Variants in COLGALT2 observed in about 807,000 individuals in gnomAD.
COLGALT2 encodes the protein collagen beta(1-O)galactosyltransferase 2.
Under a neutral mutation model 73.4 loss-of-function variants are expected in COLGALT2, and 49 were observed. The ratio of observed to expected loss-of-function variants is 0.67; its 90% CI spans 0.53 to 0.85. The LOEUF (loss-of-function observed/expected upper bound fraction) is 0.85. Ranked by LOEUF, COLGALT2 falls within the 40% of genes least tolerant of loss-of-function variation. COLGALT2 has a pLI of 0.00. For missense variants in COLGALT2, 722 were observed against 790.2 expected (o/e 0.91, Z 1.03); for synonymous variants, 295 against 307.6 (o/e 0.96, Z 0.43).
intron 4 of COLGALT2, among the ~76,000 whole-genome samples, chr1:183,972,261 C>G (rs910641745): frequency 6.6e-6 from 1 of 152,154 alleles, no homozygotes; most frequent in Non-Finnish European, 1.5e-5. Context: ...GTGCACGACA[C>G]CACAACTGGT....
chr1:183,966,054 G>A lies in COLGALT2; in HGVS notation c.833-2034C>T, dbSNP rs972438169. 4.6e-5 allele frequency among the ~76,000 whole-genome samples: 7 copies of A among 152,194 alleles called. No homozygotes were observed. In the East Asian group the frequency reaches 1.3e-3, roughly 29 times the overall value. On this transcript the variant is annotated intron_variant, in intron 5 of 11. Transcript: ENST00000361927. ...GCAATGCATGCATATTATTTAACAT[G>A]GAAGTAAATATTAGAGATAAAAGTG...
chr1:183,936,295 G>T lies in COLGALT2; in HGVS notation c.*2466C>A. The T allele has an allele frequency of 1.0e-6, 1 of 985,722 alleles. No individual in the cohort carries two copies. Among genetic ancestry groups the T allele is most frequent in the Non-Finnish European group, 1.2e-6 (1 of 829,894 alleles). 61.1% of individuals were successfully genotyped at this position (985,722 alleles called of 1,614,324 possible). A position where few individuals can be genotyped will look rare whatever the true frequency, so the allele number is the denominator to read the frequency against. On this transcript the variant is annotated 3_prime_UTR_variant, in exon 12 of 12. Coordinates refer to ENST00000361927, the MANE Select transcript of COLGALT2 (RefSeq NM_015101.4). ...AATGAGGTCAAGGAACCTCTGGATT[G>T]CTGAAGAGATGACTTTAAAAAAAAA...
At chr1:183,954,983 G>A (rs927985709) in intron 6 of COLGALT2, 145 bp from the exon 7 acceptor site, 4 of 665,354 alleles carry the variant, frequency 6.0e-6, no homozygotes, top group African/African-American at 3.6e-5. Context: ...CCAGGATTGA[G>A]TAGCCACACA....
chr1:183,943,713 C>T (rs1340488100), intron 10 of COLGALT2, among the ~76,000 whole-genome samples: 1 of 152,174 alleles, frequency 6.6e-6, no homozygotes, highest in Admixed American at 6.5e-5. Context: ...CCCCATTTCC[C>T]AACAGAGGAG....
At chr1:184,007,545 A>G (rs1304653338) in intron 1 of COLGALT2, among the ~76,000 whole-genome samples, 3 of 152,212 alleles carry the variant, frequency 2.0e-5, no homozygotes, top group Non-Finnish European at 2.9e-5. Flanking sequence ...GTAATTTTCA[A>G]ACGATACATA....
intron 1 of COLGALT2, among the ~76,000 whole-genome samples, chr1:184,026,278 G>A (rs1649329920): frequency 6.6e-6 from 1 of 152,132 alleles, no homozygotes; most frequent in Non-Finnish European, 1.5e-5. Context: ...TTGGTGGGAT[G>A]TGCTAAGCTG....
intron 1 of COLGALT2, among the ~76,000 whole-genome samples, chr1:184,008,880 AT>A (rs535852933): frequency 2.0e-4 from 30 of 152,248 alleles, no homozygotes; most frequent in Non-Finnish European, 3.8e-4. Context: ...TAATTAAAAA[AT>A]AATATGTATA....
At chr1:184,023,643 TGG>T (rs56285855) in intron 1 of COLGALT2, among the ~76,000 whole-genome samples, 42,572 of 132,962 alleles carry the variant, frequency 0.32, 7,627 homozygotes, top group African/African-American at 0.51. Context: ...GTGCGTGAGG[TGG>T]GGGGGGGGGG....
intron 3 of COLGALT2, 27 bp from the exon 4 acceptor site, chr1:183,973,777 G>A: frequency 6.2e-7 from 1 of 1,608,700 alleles, no homozygotes; most frequent in Non-Finnish European, 8.5e-7. Context: ...ATAATGTTAG[G>A]TGAAAAGGTA....
At chr1:184,032,527 C>G (rs550604972) in intron 1 of COLGALT2, among the ~76,000 whole-genome samples, 1 of 152,292 alleles carries the variant, frequency 6.6e-6, no homozygotes, top group South Asian at 2.1e-4. Context: ...CTATCTGACC[C>G]TAAGCTTGTA....
intron 1 of COLGALT2, among the ~76,000 whole-genome samples, chr1:183,981,381 G>A (rs1671344906): frequency 1.3e-5 from 2 of 152,122 alleles, no homozygotes; most frequent in African/African-American, 4.8e-5. Context: ...GGCCAAGTGC[G>A]GTGGCTCATG....
chr1:183,984,612 C>G (rs1671440927), intron 1 of COLGALT2, among the ~76,000 whole-genome samples: 1 of 152,206 alleles, frequency 6.6e-6, no homozygotes, highest in African/African-American at 2.4e-5. Flanking sequence ...GGCCACCTCT[C>G]TGTCCATGAG....
chr1:183,932,705 G>A (rs922657579), downstream of COLGALT2, among the ~76,000 whole-genome samples: 21 of 152,200 alleles, frequency 1.4e-4, no homozygotes, highest in African/African-American at 4.8e-4. Flanking sequence ...CCAGCCTGCA[G>A]GCTTTGCAGT....
intron 6 of COLGALT2, among the ~76,000 whole-genome samples, chr1:183,959,790 A>C (rs1443248593): frequency 6.6e-6 from 1 of 152,092 alleles, no homozygotes; most frequent in Admixed American, 6.6e-5. Context: ...CCATGGCCAG[A>C]ATGTTCGGTG....
chr1:183,972,187 C>T (rs1172196709), intron 4 of COLGALT2, among the ~76,000 whole-genome samples: 1 of 152,174 alleles, frequency 6.6e-6, no homozygotes, highest in African/African-American at 2.4e-5. Flanking sequence ...CTCACTGCAG[C>T]CTCAACTTCT....
Position 183,970,883 on chromosome 1 carries a change from C to T in COLGALT2, c.628-1410G>A, listed in dbSNP as rs1010516307. Among the ~76,000 whole-genome samples, 3 of 152,154 alleles carry T rather than the reference C, an allele frequency of 2.0e-5. No homozygotes were observed. The East Asian group carries it at 5.8e-4, about 29-fold the overall frequency. On this transcript the variant is annotated intron_variant, in intron 4 of 11. Coordinates refer to ENST00000361927, the MANE Select transcript of COLGALT2 (RefSeq NM_015101.4). The stretch of plus-strand genomic sequence containing the variant: ...ATCCTCTATGGTTTTCCTAATACTT[C>T]AGCTTATGAGCAGTCTTCCAAGAGA...
At chr1:184,008,686 T>C (rs1325921207) in intron 1 of COLGALT2, among the ~76,000 whole-genome samples, 2 of 152,180 alleles carry the variant, frequency 1.3e-5, no homozygotes, top group South Asian at 2.1e-4. Flanking sequence ...GCTATGATCA[T>C]GTCACTGTAC....
intron 1 of COLGALT2, among the ~76,000 whole-genome samples, chr1:184,009,623 T>A (rs1426875526): frequency 6.6e-6 from 1 of 152,188 alleles, no homozygotes; most frequent in Non-Finnish European, 1.5e-5. Context: ...GAATTATGAG[T>A]AGATCATCTT....
chr1:183,946,327 G>A (rs888479837), intron 8 of COLGALT2: 1 of 152,176 alleles, frequency 6.6e-6, no homozygotes, highest in Non-Finnish European at 1.5e-5. Context: ...GGAATAAGAG[G>A]TCCATAGGGA....
Sources: gnomAD v4.1 joint callset for allele counts (sites outside exome capture counted in the v4.1 genomes callset) on GRCh38, gnomAD v4.1.1 for gene constraint, MANE v1.5 for transcripts, NCBI Gene and HGNC (gene_info 2026-07-23, HGNC 2026-07-21) for gene names.